The following KNTC1 variants were observed in gnomAD, a reference collection of about 807,000 sequenced individuals.
KNTC1 encodes kinetochore associated 1.
Under a neutral mutation model 314.4 loss-of-function variants are expected in KNTC1, and 253 were observed. The observed-to-expected ratio is 0.80, with a 90% CI of 0.73 to 0.89. The LOEUF is 0.89. Ranked by LOEUF, KNTC1 falls within the 40% of genes least tolerant of loss-of-function variation. The pLI, the probability that KNTC1 is intolerant of heterozygous loss-of-function variation, is 0.00. For missense variants in KNTC1, 2,475 were observed against 2,572.9 expected (o/e 0.96, Z 0.82); for synonymous variants, 901 against 901.4 (o/e 1.00, Z 0.01).
At chr12:122,618,302 T>G (rs766670498) in intron 57 of KNTC1, 41 bp from the exon 58 acceptor site, 33 of 1,588,728 alleles carry the variant, frequency 2.1e-5, no homozygotes, top group Non-Finnish European at 2.6e-5. Context: ...GTTTGTAATA[T>G]CCTTAACATG....
At chr12:122,534,607 T>C (rs927381174) in intron 2 of KNTC1, 57 bp from the exon 3 acceptor site, 20 of 1,491,328 alleles carry the variant, frequency 1.3e-5, no homozygotes, top group Non-Finnish European at 1.6e-5. Context: ...TATTGATAAG[T>C]ATTATTAAAC....
intron 44 of KNTC1, 106 bp downstream of exon 44, chr12:122,598,044 A>C: frequency 1.3e-6 from 1 of 780,260 alleles, no homozygotes; most frequent in Non-Finnish European, 2.1e-6. Flanking sequence ...ATTTTTATCA[A>C]CTTTTAATTT....
chr12:122,623,629 A>G (rs1236378480), intron 62 of KNTC1, among the ~76,000 whole-genome samples: 1 of 152,234 alleles, frequency 6.6e-6, no homozygotes. Flanking sequence ...ACCACAATCA[A>G]GAGAGTGAAC....
intron 31 of KNTC1, among the ~76,000 whole-genome samples, chr12:122,578,872 CTTG>C (rs1965203365): frequency 6.6e-6 from 1 of 152,090 alleles, no homozygotes; most frequent in Non-Finnish European, 1.5e-5. Context: ...ATAGCTACTT[CTTG>C]TTCATAACAA....
In KNTC1 at chr12:122,569,728, C is replaced by G; in HGVS notation, c.1764C>G (p.Leu588=). ...ATGTGAAAATGCTGGAGAGCTTGCT[C>G]AACTCAATGTCTGCATCAGTCTCTT... ...RFDVKMLESL[L]NSMSASVSLQ... Residue 588 remains leucine (L), a synonymous_variant, in exon 22 of 64, where the codon CTC becomes CTG. Coordinates refer to ENST00000333479, the MANE Select transcript of KNTC1 (RefSeq NM_014708.6). 6.2e-7 allele frequency: 1 copy of G among 1,613,550 alleles called. No homozygotes were observed. Among genetic ancestry groups the G allele is most frequent in the Non-Finnish European group, 8.5e-7 (1 of 1,179,610 alleles).
chr12:122,596,118 T>G lies in KNTC1; in HGVS notation c.4356-1613T>G, dbSNP rs538926868. On this transcript the variant is annotated intron_variant, in intron 43 of 63. Coordinates refer to ENST00000333479, the MANE Select transcript of KNTC1 (RefSeq NM_014708.6). The stretch of plus-strand genomic sequence containing the variant: ...TTTTTTTTGAGACGGAGTCTCGCTC[T>G]GTCACCCAGCCTGAAGTGCAGTGGT... Among the ~76,000 whole-genome samples, 66 of 145,438 alleles carry G rather than the reference T, an allele frequency of 4.5e-4. 1 individual carries two copies. Among genetic ancestry groups the G allele is most frequent in the Middle Eastern group, 3.5e-3 (1 of 286 alleles).
intron 11 of KNTC1, among the ~76,000 whole-genome samples, 171 bp from the exon 12 acceptor site, chr12:122,547,744 G>A (rs1161550092): frequency 1.3e-5 from 2 of 152,202 alleles, no homozygotes; most frequent in Non-Finnish European, 1.5e-5. Flanking sequence ...GGGCATAAAC[G>A]TGCAGAAATG....
intron 20 of KNTC1, among the ~76,000 whole-genome samples, chr12:122,565,412 G>A (rs537283505): frequency 1.3e-5 from 2 of 151,838 alleles, no homozygotes; most frequent in South Asian, 2.1e-4. Flanking sequence ...GAGCCACCAC[G>A]CCTGGACCGA....
intron 48 of KNTC1, among the ~76,000 whole-genome samples, chr12:122,604,161 C>T (rs1273687817): frequency 1.4e-5 from 2 of 147,164 alleles, no homozygotes; most frequent in South Asian, 2.2e-4. Context: ...GAGAGGGCCC[C>T]GGTGGGCTTT....
chr12:122,567,489 C>T (rs1308823299), intron 20 of KNTC1, among the ~76,000 whole-genome samples: 8 of 152,116 alleles, frequency 5.3e-5, no homozygotes, highest in African/African-American at 1.4e-4. Context: ...GAAATTTTAT[C>T]TTATCAATTC....
intron 20 of KNTC1, among the ~76,000 whole-genome samples, 178 bp downstream of exon 20, chr12:122,562,877 C>T (rs183676305): frequency 2.2e-3 from 331 of 151,986 alleles, no homozygotes; most frequent in African/African-American, 7.7e-3. Context: ...GGCGTGGTGG[C>T]GTGCATCTGT....
intron 60 of KNTC1, 128 bp from the exon 61 acceptor site, chr12:122,621,753 G>C: frequency 1.6e-6 from 1 of 607,846 alleles, no homozygotes; most frequent in East Asian, 2.9e-5. Flanking sequence ...CCTTGATGTC[G>C]TTCAGTGTTT....
chr12:122,573,014 T>C lies in KNTC1; in HGVS notation c.2097T>C (p.His699=). Residue 699 remains histidine, a synonymous_variant, in exon 25 of 64, where the codon CAT becomes CAC. Coordinates refer to ENST00000333479, the MANE Select transcript of KNTC1 (RefSeq NM_014708.6). Reference sequence around the variant, plus strand: ...ACTTGCGAGAGTTGATCACGTTGCATAGGAAGTACAACTGCAAATTAGCCC... The same window carrying C: ...ACTTGCGAGAGTTGATCACGTTGCACAGGAAGTACAACTGCAAATTAGCCC... ...VNNLRELITL[H]RKYNCKLALS... The C allele has an allele frequency of 1.2e-6, 2 of 1,611,250 alleles. No homozygotes were observed. The highest frequency in any genetic ancestry group is 2.2e-5 in the East Asian group (1 of 44,816).
Position 122,557,797 on chromosome 12 carries a change from T to G in KNTC1, c.1488+108T>G, listed in dbSNP as rs539466485. On this transcript the variant is annotated intron_variant, in intron 18 of 63. Coordinates refer to ENST00000333479, the MANE Select transcript of KNTC1 (RefSeq NM_014708.6). ...CTTTTCCTCCTATCCGCTATGTGTA[T>G]TATTAATAAAAAAGTTTTTATAATA... is the stretch of plus-strand genomic sequence containing the variant. 8.1e-6 allele frequency: 6 copies of G among 740,774 alleles called. No individual in the cohort carries two copies. The African/African-American group carries it at 1.1e-4, about 13-fold the overall frequency. 45.9% of individuals were successfully genotyped at this position (740,774 alleles called of 1,614,324 possible).
chr12:122,620,168 CA>C (rs10719316), intron 59 of KNTC1: 30,790 of 99,342 alleles, frequency 0.31, 5,212 homozygotes, highest in African/African-American at 0.61. Context: ...GACTGTTTCT[CA>C]AAAAAAAAAA....
Position 122,604,382 on chromosome 12 carries a change from G to A in KNTC1, c.5102-182G>A, listed in dbSNP as rs573288397. On this transcript the variant is annotated intron_variant, in intron 48 of 63. Transcript: ENST00000333479. ...GGGTGGTCTCAAACTCCTGACCTCA[G>A]GTGATCCACTTGCCTTGGCCTCCCA... Among the ~76,000 whole-genome samples, 67 of 151,694 alleles carry A rather than the reference G, an allele frequency of 4.4e-4. 1 individual carries two copies. In the South Asian group the frequency reaches 0.014, roughly 31 times the overall value.
At chr12:122,564,140 G>A (rs1964156323) in intron 20 of KNTC1, among the ~76,000 whole-genome samples, 1 of 152,040 alleles carries the variant, frequency 6.6e-6, no homozygotes, top group Non-Finnish European at 1.5e-5. Context: ...ACCACGCCTG[G>A]CTAATTTTTG....
chr12:122,593,299 CT>C lies in KNTC1; in HGVS notation c.4246-973del, dbSNP rs1489857461. The C allele has an allele frequency of 2.2e-5, 3 of 136,458 alleles. No homozygotes were observed. In the East Asian group the frequency reaches 6.2e-4, roughly 28 times the overall value. The allele number at this position is 136,458 out of a possible 1,614,324, so 8.5% of individuals were successfully genotyped here. A position where few individuals can be genotyped will look rare whatever the true frequency, so the allele number is the denominator to read the frequency against. The stretch of plus-strand genomic sequence containing the variant: ...TTTTTTTTTGAGACAGAGTCTTGCT[CT>C]TTTGCCAGGCTGGAGTGCAGTGGGA... On this transcript the variant is annotated intron_variant, in intron 42 of 63. Coordinates refer to ENST00000333479, the MANE Select transcript of KNTC1 (RefSeq NM_014708.6).
chr12:122,539,845 A>G (rs1163378052), intron 5 of KNTC1, 91 bp downstream of exon 5: 6 of 767,260 alleles, frequency 7.8e-6, no homozygotes, highest in Non-Finnish European at 1.2e-5. Flanking sequence ...GCAGTGGCGC[A>G]ATCTCAGGTC....
Sources: gnomAD v4.1 joint callset for allele counts (sites outside exome capture counted in the v4.1 genomes callset) on GRCh38, gnomAD v4.1.1 for gene constraint, MANE v1.5 for transcripts, NCBI Gene and HGNC (gene_info 2026-07-23, HGNC 2026-07-21) for gene names.